Variants in MAP3K11 observed in about 807,000 individuals in gnomAD.
The protein encoded by MAP3K11 is mitogen-activated protein kinase kinase kinase 11.
Under a neutral mutation model 84.9 loss-of-function variants are expected in MAP3K11, and 46 were observed. The ratio of observed to expected loss-of-function variants is 0.54; its 90% CI spans 0.43 to 0.69. The LOEUF (loss-of-function observed/expected upper bound fraction) is 0.69, where lower values mean the gene tolerates loss of function less well. Among genes scored for constraint, MAP3K11 ranks in the 30% least tolerant of loss-of-function variants. The pLI, the probability that MAP3K11 is intolerant of heterozygous loss-of-function variation, is 0.00. For synonymous variants in MAP3K11, 527 were observed against 514.7 expected, an observed-to-expected ratio of 1.02 and a Z score of -0.32; for missense variants, 1,053 against 1,198.3, an observed-to-expected ratio of 0.88 and a Z score of 1.79.
chr11:65,601,767 A>G (rs1218234315), intron 8 of MAP3K11, among the ~76,000 whole-genome samples: 2 of 151,938 alleles, frequency 1.3e-5, no homozygotes, highest in Non-Finnish European at 2.9e-5. Context: ...AAAAAAAAAA[A>G]AAGCAAATTC....
rs757456029 is a variant in MAP3K11, at chr11:65,605,992, C to T, written c.1693G>A (p.Ala565Thr). 3.8e-5 allele frequency: 61 copies of T among 1,601,932 alleles called. 1 individual carries two copies. In the South Asian group the frequency reaches 6.6e-4, roughly 17 times the overall value. ...SSNGERRACW[A>T]WGPSSPKPGE... ...GGCTTGGGGGAACTGGGACCCCAAG[C>T]CCAGCATGCTCGCCGCTCTCCATTG... Residue 565 changes from alanine (A) to threonine (T), a missense_variant, in exon 7 of 10, where the codon GCT becomes ACT. This residue lies in a region of MAP3K11 where 583 missense variants were observed against 566.6 expected (regional missense o/e 1.03). Coordinates refer to ENST00000309100, the MANE Select transcript of MAP3K11 (RefSeq NM_002419.4).
intron 5 of MAP3K11, 41 bp from the exon 6 acceptor site, chr11:65,606,845 T>TGA (rs752091053): frequency 2.1e-5 from 29 of 1,375,934 alleles, no homozygotes. Context: ...AGGTTTGTGA[T>TGA]GAAGTAGAGC....
intron 5 of MAP3K11, 123 bp downstream of exon 5, chr11:65,607,147 C>T: frequency 1.6e-6 from 2 of 1,285,982 alleles, no homozygotes; most frequent in Non-Finnish European, 2.0e-6. Flanking sequence ...CCCCTCCCAG[C>T]CTTCATCTCA....
Position 65,613,188 on chromosome 11 carries a change from C to G in MAP3K11, c.569G>C (p.Cys190Ser), listed in dbSNP as rs1315870379. ...ACCGGCTGCATACTCCATCACCAGG[C>G]ACAGGTTGGGCTCCTCCAGGCACAC... Reference protein sequence around the residue: ...KAVCLEEPNLCLVMEYAAGGP... With the variant: ...KAVCLEEPNLSLVMEYAAGGP... The change falls in exon 1 of 10, where the codon TGC becomes TCC. Residue 190 changes from cysteine to serine, a missense_variant. Cys to Ser is a moderately radical substitution (Grantham distance 112, BLOSUM62 -1). Around this residue, in one of 3 missense-constraint regions of MAP3K11, gnomAD observed 310 missense variants for 464.5 expected, o/e 0.67. Coordinates refer to ENST00000309100, the MANE Select transcript of MAP3K11 (RefSeq NM_002419.4). 6.3e-6 allele frequency: 10 copies of G among 1,589,272 alleles called. No individual in the cohort carries two copies. The highest frequency in any genetic ancestry group is 6.9e-6 in the Non-Finnish European group (8 of 1,166,680).
At position 65,613,913 on chromosome 11, in the gene MAP3K11, T is replaced by A; in HGVS notation, c.-157A>T. On this transcript the variant is annotated 5_prime_UTR_variant, in exon 1 of 10. Coordinates refer to ENST00000309100, the MANE Select transcript of MAP3K11 (RefSeq NM_002419.4). ...CCTCTCTGGGGAGCCAGGAGTGTTG[T>A]CTCCCGGCCCCCCGCATCTCGGGCT... is the stretch of plus-strand genomic sequence containing the variant. 1 of 835,554 alleles carries A rather than the reference T, an allele frequency of 1.2e-6. No homozygotes were observed. Among genetic ancestry groups the A allele is most frequent in the Non-Finnish European group, 1.8e-6 (1 of 562,064 alleles). The allele number at this position is 835,554 out of a possible 1,614,324, so 51.8% of individuals were successfully genotyped here. A position where few individuals can be genotyped will look rare whatever the true frequency, so the allele number is the denominator to read the frequency against.
chr11:65,603,100 C>G (rs777064845), intron 8 of MAP3K11, among the ~76,000 whole-genome samples: 6 of 152,104 alleles, frequency 3.9e-5, no homozygotes, highest in African/African-American at 1.4e-4. Flanking sequence ...GAGACTCTAT[C>G]TTTAAAAAAA....
intron 3 of MAP3K11, 25 bp from the exon 4 acceptor site, chr11:65,607,841 A>G (rs748319680): frequency 1.2e-6 from 2 of 1,607,186 alleles, no homozygotes; most frequent in East Asian, 4.5e-5. Flanking sequence ...TGCAGCGGGG[A>G]CAGAATAAGA....
intron 8 of MAP3K11, among the ~76,000 whole-genome samples, chr11:65,603,400 G>C (rs977335866): frequency 1.3e-5 from 2 of 152,268 alleles, no homozygotes; most frequent in Admixed American, 6.5e-5. Flanking sequence ...CAGCCACGTA[G>C]TTATTGGCTC....
rs747468206 is a variant in MAP3K11, at chr11:65,607,307, C to T, written c.1452G>A (p.Arg484=). 1.3e-6 allele frequency: 2 copies of T among 1,523,120 alleles called. No homozygotes were observed. The highest frequency in any genetic ancestry group is 1.2e-5 in the South Asian group (1 of 83,588). The allele number at this position is 1,523,120 out of a possible 1,614,324, so 94.4% of individuals were successfully genotyped here. The part of the protein sequence containing the change: ...RRGTFKRSKL[R]ARDGGERISM... ...TGATACGCTCGCCGCCGTCGCGCGCCCGGAGCTTGCTGCGCTTGAATGTCC... is the reference window on the plus strand; with the variant it reads ...TGATACGCTCGCCGCCGTCGCGCGCTCGGAGCTTGCTGCGCTTGAATGTCC... Residue 484 remains arginine, a synonymous_variant, in exon 5 of 10, where the codon CGG becomes CGA. Coordinates refer to ENST00000309100, the MANE Select transcript of MAP3K11 (RefSeq NM_002419.4).
chr11:65,613,764 AGCCGGCGC>A lies in MAP3K11; in HGVS notation c.-16_-9del. The A allele has an allele frequency of 6.5e-7, 1 of 1,535,982 alleles. No individual in the cohort carries two copies. The highest frequency in any genetic ancestry group is 8.7e-7 in the Non-Finnish European group (1 of 1,144,486). Reference sequence around the variant, plus strand: ...GCTCTTCAAGGGCTCCATGGCCGGGAGCCGGCGCTGGGATGTGTGGAGGACCTTCTCTG... The same window carrying A: ...GCTCTTCAAGGGCTCCATGGCCGGGATGGGATGTGTGGAGGACCTTCTCTG... On this transcript the variant is annotated 5_prime_UTR_variant, in exon 1 of 10. Transcript: ENST00000309100.
intron 3 of MAP3K11, 30 bp downstream of exon 3, chr11:65,607,892 G>A: frequency 6.2e-7 from 1 of 1,610,582 alleles, no homozygotes. Flanking sequence ...AGGGAGCTCT[G>A]TACCTCACCT....
At chr11:65,611,320 C>T (rs1280351733) in intron 1 of MAP3K11, 1 of 152,344 alleles carries the variant, frequency 6.6e-6, no homozygotes, top group African/African-American at 2.4e-5. Flanking sequence ...CTCTCCCCGC[C>T]AGGCTTCCTC....
intron 1 of MAP3K11, chr11:65,608,768 C>T (rs1467660520): frequency 8.0e-6 from 2 of 250,420 alleles, no homozygotes; most frequent in Non-Finnish European, 1.6e-5. Context: ...GGGCATGTGC[C>T]ACCACGCCCG....
intron 9 of MAP3K11, among the ~76,000 whole-genome samples, chr11:65,599,061 C>T (rs1214730837): frequency 6.6e-6 from 1 of 152,154 alleles, no homozygotes; most frequent in Non-Finnish European, 1.5e-5. Flanking sequence ...GGCTGGAGTC[C>T]AGTGTCATGA....
intron 1 of MAP3K11, chr11:65,612,688 G>C: frequency 4.0e-6 from 1 of 251,264 alleles, no homozygotes; most frequent in Non-Finnish European, 7.6e-6. Flanking sequence ...AAGATGAGGA[G>C]CACGAGCTTC....
intron 5 of MAP3K11, 67 bp downstream of exon 5, chr11:65,607,203 C>T (rs1443875434): frequency 2.1e-6 from 3 of 1,415,930 alleles, no homozygotes; most frequent in Non-Finnish European, 2.7e-6. Context: ...GCGGTGAGCA[C>T]ACAGGCCTGG....
In MAP3K11 at chr11:65,597,973, C is replaced by G; in HGVS notation, c.*318G>C. The G allele has an allele frequency of 3.4e-6, 1 of 293,490 alleles. No individual in the cohort carries two copies. Among genetic ancestry groups the G allele is most frequent in the Non-Finnish European group, 6.3e-6 (1 of 158,624 alleles). 18.2% of individuals were successfully genotyped at this position (293,490 alleles called of 1,614,324 possible). ...GACAGCTGAGGCCGGCCCCTCTTCC[C>G]TGCACCTCCCCTCCTCCCTGCATCA... On this transcript the variant is annotated 3_prime_UTR_variant, in exon 10 of 10. Coordinates refer to ENST00000309100, the MANE Select transcript of MAP3K11 (RefSeq NM_002419.4).
intron 6 of MAP3K11, chr11:65,606,358 G>T: frequency 2.3e-6 from 1 of 439,764 alleles, no homozygotes; most frequent in South Asian, 5.9e-5. Context: ...CTTATTAACT[G>T]TGTAACAAGT....
intron 1 of MAP3K11, chr11:65,608,905 T>G (rs1854542821): frequency 6.2e-6 from 1 of 160,436 alleles, no homozygotes; most frequent in African/African-American, 2.4e-5. Context: ...CCACTGCACC[T>G]GGCCGAGGCC....
Sources: allele counts gnomAD v4.1 joint callset (sites outside exome capture counted in the v4.1 genomes callset), GRCh38; gene constraint gnomAD v4.1.1; regional missense constraint gnomAD v4.1.1; transcripts MANE v1.5; gene names NCBI Gene and HGNC (gene_info 2026-07-23, HGNC 2026-07-21).